The following USH2A variants were observed in gnomAD, a reference collection of about 807,000 sequenced individuals.
USH2A encodes usherin.
In USH2A, 443 loss-of-function variants were observed where a neutral mutation model predicts 538.9. The ratio of observed to expected loss-of-function variants is 0.82; its 90% CI spans 0.76 to 0.89. USH2A has a LOEUF of 0.89. Among genes scored for constraint, USH2A ranks in the 40% least tolerant of loss-of-function variants. The pLI, the probability that USH2A is intolerant of heterozygous loss-of-function variation, is 0.00. For missense variants in USH2A, 6,633 were observed against 6,324.8 expected (o/e 1.05, Z -1.65); for synonymous variants, 2,413 against 2,273.5 (o/e 1.06, Z -1.75).
chr1:215,820,585 A>G (rs1425818718), intron 47 of USH2A, among the ~76,000 whole-genome samples: 1 of 151,846 alleles, frequency 6.6e-6, no homozygotes, highest in Non-Finnish European at 1.5e-5. Context: ...TCTTTATGCT[A>G]ACAACATTTA....
chr1:215,783,633 A>G (rs375644632), intron 52 of USH2A, among the ~76,000 whole-genome samples: 2 of 152,242 alleles, frequency 1.3e-5, no homozygotes, highest in Non-Finnish European at 1.5e-5. Context: ...TCTTAGTTCC[A>G]TTTAGGCTTT....
intron 32 of USH2A, among the ~76,000 whole-genome samples, chr1:216,021,114 G>A (rs1190908754): frequency 6.6e-6 from 1 of 152,152 alleles, no homozygotes; most frequent in Non-Finnish European, 1.5e-5. Flanking sequence ...AGCATGCCTA[G>A]TGAGTGTCAG....
rs774701216 is a variant in USH2A, at chr1:216,323,563, A to G, written c.1461T>C (p.Phe487=). Residue 487 remains phenylalanine (F), a synonymous_variant, in exon 8 of 72, where the codon TTT becomes TTC. Coordinates refer to ENST00000307340, the MANE Select transcript of USH2A (RefSeq NM_206933.4). ...QEFVKATQIR[F]HFHGQYYTTE... is the part of the protein sequence containing the mutation. ...TTGTATAGTACTGCCCATGAAAATG[A>G]AACCTTATTTGCGTGGCTTTTACGA... The G allele has an allele frequency of 3.7e-6, 6 of 1,613,628 alleles. No homozygotes were observed. Among genetic ancestry groups the G allele is most frequent in the South Asian group, 1.1e-5 (1 of 91,078 alleles).
intron 38 of USH2A, among the ~76,000 whole-genome samples, chr1:215,916,783 G>A (rs74141460): frequency 0.013 from 1,979 of 152,112 alleles, 51 homozygotes; most frequent in African/African-American, 0.045. Context: ...AATACTAATT[G>A]CTGTTGACCA....
At chr1:215,910,919 T>G (rs1665765256) in intron 38 of USH2A, among the ~76,000 whole-genome samples, 1 of 151,982 alleles carries the variant, frequency 6.6e-6, no homozygotes, top group African/African-American at 2.4e-5. Context: ...AATTACAAAG[T>G]CTGATCCTAT....
At chr1:215,915,660 TA>T (rs1665934472) in intron 38 of USH2A, among the ~76,000 whole-genome samples, 1 of 151,974 alleles carries the variant, frequency 6.6e-6, no homozygotes, top group African/African-American at 2.4e-5. Flanking sequence ...CTAGAAATAC[TA>T]TTTGACCCAG....
At chr1:215,889,614 TG>T (rs1288854231) in intron 40 of USH2A, among the ~76,000 whole-genome samples, 1 of 152,178 alleles carries the variant, frequency 6.6e-6, no homozygotes, top group African/African-American at 2.4e-5. Context: ...ACTGTGGCTG[TG>T]ACAGAAGCTG....
At chr1:216,331,873 A>C (rs2037869764) in intron 4 of USH2A, among the ~76,000 whole-genome samples, 1 of 152,150 alleles carries the variant, frequency 6.6e-6, no homozygotes, top group South Asian at 2.1e-4. Flanking sequence ...AAACAATGGA[A>C]GAGTCTGTCT....
At chr1:215,836,161 C>T (rs1458289751) in intron 47 of USH2A, among the ~76,000 whole-genome samples, 2 of 151,622 alleles carry the variant, frequency 1.3e-5, no homozygotes, top group African/African-American at 2.4e-5. Context: ...CATGGGGATG[C>T]CAGCAGACAA....
intron 4 of USH2A, among the ~76,000 whole-genome samples, chr1:216,327,876 T>C (rs1260718610): frequency 1.3e-5 from 2 of 152,152 alleles, no homozygotes; most frequent in African/African-American, 4.8e-5. Context: ...TAAGTCAAAG[T>C]GAATACTTTG....
At chr1:216,313,332 T>A (rs1359158763) in intron 9 of USH2A, among the ~76,000 whole-genome samples, 1 of 152,164 alleles carries the variant, frequency 6.6e-6, no homozygotes, top group African/African-American at 2.4e-5. Flanking sequence ...ACCCCTGTTC[T>A]ATGATTCTAG....
chr1:216,154,964 T>A (rs1390561641), intron 21 of USH2A, among the ~76,000 whole-genome samples: 2 of 151,856 alleles, frequency 1.3e-5, no homozygotes, highest in Non-Finnish European at 2.9e-5. Flanking sequence ...GTGGGTAAGA[T>A]AGCTCTGTCT....
intron 61 of USH2A, among the ~76,000 whole-genome samples, chr1:215,692,241 T>C (rs1658639830): frequency 6.6e-6 from 1 of 151,958 alleles, no homozygotes; most frequent in South Asian, 2.1e-4. Context: ...AACAGATGTG[T>C]AGAGGTAGAA....
chr1:216,030,886 C>T (rs1669106466), intron 32 of USH2A, among the ~76,000 whole-genome samples: 1 of 150,962 alleles, frequency 6.6e-6, no homozygotes, highest in South Asian at 2.1e-4. Context: ...GGAATTTTGT[C>T]CTTTAGGGAA....
At chr1:216,313,989 C>T (rs2037465664) in intron 9 of USH2A, among the ~76,000 whole-genome samples, 2 of 152,088 alleles carry the variant, frequency 1.3e-5, no homozygotes, top group Non-Finnish European at 2.9e-5. Flanking sequence ...GTCTTTCTGG[C>T]TGCTTGGTCT....
intron 70 of USH2A, 58 bp downstream of exon 70, chr1:215,634,401 G>A: frequency 6.2e-7 from 1 of 1,612,942 alleles, no homozygotes; most frequent in Non-Finnish European, 8.5e-7. Flanking sequence ...TTCTCAGAAG[G>A]AAAACAAGTA....
At position 216,325,249 on chromosome 1, in the gene USH2A, G is replaced by A. The variant is rs564971863; in HGVS notation, c.1143+56C>T. 3.2e-5 allele frequency: 51 copies of A among 1,570,862 alleles called. No individual in the cohort carries two copies. The African/African-American group carries it at 6.3e-4, about 20-fold the overall frequency. Reference sequence around the variant, plus strand: ...GTTGTTTTAAGACATGAAGTTTGTGGGCATTTGTTGCAATAACCACAGGAA... The same window carrying A: ...GTTGTTTTAAGACATGAAGTTTGTGAGCATTTGTTGCAATAACCACAGGAA... On this transcript the variant is annotated intron_variant, in intron 6 of 71. Coordinates refer to ENST00000307340, the MANE Select transcript of USH2A (RefSeq NM_206933.4).
chr1:215,848,426 C>T (rs367956516), intron 44 of USH2A, among the ~76,000 whole-genome samples: 2 of 152,154 alleles, frequency 1.3e-5, no homozygotes, highest in African/African-American at 4.8e-5. Flanking sequence ...CTATCAAGTT[C>T]CAATTAATAT....
intron 21 of USH2A, among the ~76,000 whole-genome samples, chr1:216,167,826 C>T (rs950109172): frequency 9.2e-5 from 14 of 152,076 alleles, no homozygotes; most frequent in African/African-American, 3.4e-4. Context: ...ATTCTTTCTT[C>T]TGAGAATGCA....
Sources: allele counts gnomAD v4.1 joint callset (sites outside exome capture counted in the v4.1 genomes callset), GRCh38; gene constraint gnomAD v4.1.1; transcripts MANE v1.5; gene names NCBI Gene and HGNC (gene_info 2026-07-23, HGNC 2026-07-21).